The following SEPTIN11 variants were observed in gnomAD, a reference collection of about 807,000 sequenced individuals.
SEPTIN11 encodes septin 11.
In SEPTIN11, 25 loss-of-function variants were observed where a neutral mutation model predicts 51.4. That is an observed-to-expected ratio of 0.49 (90% CI 0.35 to 0.68). The LOEUF is 0.68. Among genes scored for constraint, SEPTIN11 ranks in the 30% least tolerant of loss-of-function variants. The pLI is 0.00. For synonymous variants in SEPTIN11, 174 were observed against 184.1 expected (o/e 0.95, Z 0.44); for missense variants, 381 against 520.8 (o/e 0.73, Z 2.61).
chr4:76,954,666 G>C (rs1342090195), intron 1 of SEPTIN11, among the ~76,000 whole-genome samples: 2 of 152,234 alleles, frequency 1.3e-5, no homozygotes, highest in Non-Finnish European at 2.9e-5. Context: ...TTCCAGGCTT[G>C]ACCTGAGATA....
chr4:77,014,955 G>A lies in SEPTIN11; in HGVS notation c.625G>A (p.Val209Ile). 1 of 1,614,154 alleles carries A rather than the reference G, an allele frequency of 6.2e-7. No homozygotes were observed. Among genetic ancestry groups the A allele is most frequent in the South Asian group, 1.1e-5 (1 of 91,078 alleles). ...KIMSELVSNG[V>I]QIYQFPTDEE... ...CATGAGTGAACTGGTCAGCAATGGG[G>A]TCCAGATATATCAGTTTCCCACTGA... is the stretch of plus-strand genomic sequence containing the variant. Residue 209 changes from valine (V) to isoleucine (I), a missense_variant, in exon 5 of 10, where the codon GTC (valine) becomes ATC (isoleucine). By Grantham distance (29) the Val-to-Ile change is conservative (BLOSUM62 3). This residue lies in a region of SEPTIN11 where 197 missense variants were observed against 313.1 expected (regional missense o/e 0.63). Transcript: ENST00000264893.
intron 1 of SEPTIN11, among the ~76,000 whole-genome samples, chr4:76,961,267 A>G (rs1721815051): frequency 6.6e-6 from 1 of 152,056 alleles, no homozygotes; most frequent in Non-Finnish European, 1.5e-5. Context: ...TTTTCTTCCC[A>G]GGCTATCTTT....
At chr4:77,005,195 A>G (rs1277211819) in intron 2 of SEPTIN11, among the ~76,000 whole-genome samples, 1 of 152,236 alleles carries the variant, frequency 6.6e-6, no homozygotes, top group African/African-American at 2.4e-5. Context: ...TGTTTCAAGT[A>G]ACAGAAATTC....
In SEPTIN11 at chr4:77,035,197, T is replaced by C. The variant is rs1726947146; in HGVS notation, c.*685T>C. ...TTGGAGTAGACTGGTATGAGAAAACTATGATTAGTTCACATTTACTGGTGC... is the reference window on the plus strand; with the variant it reads ...TTGGAGTAGACTGGTATGAGAAAACCATGATTAGTTCACATTTACTGGTGC... On this transcript the variant is annotated 3_prime_UTR_variant, in exon 10 of 10. Coordinates refer to ENST00000264893, the MANE Select transcript of SEPTIN11 (RefSeq NM_018243.4). 1 of 985,338 alleles carries C rather than the reference T, an allele frequency of 1.0e-6. No individual in the cohort carries two copies. The highest frequency in any genetic ancestry group is 1.7e-5 in the African/African-American group (1 of 57,244). The allele number at this position is 985,338 out of a possible 1,614,324, so 61.0% of individuals were successfully genotyped here. A position where few individuals can be genotyped will look rare whatever the true frequency, so the allele number is the denominator to read the frequency against.
At chr4:76,991,264 T>C (rs1013587356) in intron 1 of SEPTIN11, among the ~76,000 whole-genome samples, 1 of 152,194 alleles carries the variant, frequency 6.6e-6, no homozygotes, top group East Asian at 1.9e-4. Flanking sequence ...CAAGGAGATA[T>C]GTATGAGAGA....
At chr4:77,033,712 G>C (rs1726840612) in intron 9 of SEPTIN11, among the ~76,000 whole-genome samples, 1 of 152,146 alleles carries the variant, frequency 6.6e-6, no homozygotes, top group South Asian at 2.1e-4. Flanking sequence ...TTGCCAGCAG[G>C]CATTTGCTGG....
At chr4:76,950,153 C>T (rs1199442285) in intron 1 of SEPTIN11, among the ~76,000 whole-genome samples, 4 of 152,192 alleles carry the variant, frequency 2.6e-5, no homozygotes, top group African/African-American at 9.7e-5. Context: ...TCGCGCCCCT[C>T]TTCTGGGAAT....
chr4:76,968,992 T>G (rs1722137454), intron 1 of SEPTIN11, among the ~76,000 whole-genome samples: 1 of 152,212 alleles, frequency 6.6e-6, no homozygotes, highest in Non-Finnish European at 1.5e-5. Context: ...AATATGGAGT[T>G]GGAAGTTAAA....
In SEPTIN11 at chr4:77,036,198, A is replaced by T; in HGVS notation, c.*1686A>T. ...GGAAGCCTAAACAAAGCTGGAATAG[A>T]AACTACACACTAGACACAGCAGTAG... On this transcript the variant is annotated 3_prime_UTR_variant, in exon 10 of 10. Coordinates refer to ENST00000264893, the MANE Select transcript of SEPTIN11 (RefSeq NM_018243.4). 1 of 988,374 alleles carries T rather than the reference A, an allele frequency of 1.0e-6. No individual in the cohort carries two copies. Among genetic ancestry groups the T allele is most frequent in the Non-Finnish European group, 1.2e-6 (1 of 831,836 alleles). 61.2% of individuals were successfully genotyped at this position (988,374 alleles called of 1,614,324 possible).
At chr4:76,978,340 G>A (rs2109911536) in intron 1 of SEPTIN11, among the ~76,000 whole-genome samples, 1 of 152,262 alleles carries the variant, frequency 6.6e-6, no homozygotes, top group East Asian at 1.9e-4. Context: ...TGTGCACCAT[G>A]ACAACCTACC....
At chr4:77,039,250 C>T, downstream of SEPTIN11, 14 of 1,193,506 alleles carry the variant, frequency 1.2e-5, no homozygotes, top group Non-Finnish European at 1.3e-5. Context: ...TTGTACTTGT[C>T]AATGTCTGCC....
intron 1 of SEPTIN11, chr4:76,958,968 A>G: frequency 1.0e-6 from 1 of 958,030 alleles, no homozygotes. Flanking sequence ...TTGACTTCAT[A>G]CTCTAAAGCA....
chr4:77,039,490 C>T, downstream of SEPTIN11: 1 of 985,310 alleles, frequency 1.0e-6, no homozygotes, highest in Non-Finnish European at 1.2e-6. Flanking sequence ...ACACCCAGGG[C>T]CCACAAACTT....
In SEPTIN11 at chr4:76,988,631, C is replaced by T. The variant is rs185181300; in HGVS notation, c.28-7794C>T. 1.6e-4 allele frequency among the ~76,000 whole-genome samples: 24 copies of T among 152,314 alleles called. No individual in the cohort carries two copies. In the East Asian group the frequency reaches 2.1e-3, roughly 13 times the overall value. On this transcript the variant is annotated intron_variant, in intron 1 of 9. Coordinates refer to ENST00000264893, the MANE Select transcript of SEPTIN11 (RefSeq NM_018243.4). ...TTAAGCAAGATCCTCCTGCGTCAGC[C>T]TCCCAAGTAGCTGGGATTATAGGCA... is the stretch of plus-strand genomic sequence containing the variant.
At chr4:76,974,310 A>C (rs1722385164) in intron 1 of SEPTIN11, among the ~76,000 whole-genome samples, 1 of 152,094 alleles carries the variant, frequency 6.6e-6, no homozygotes, top group Non-Finnish European at 1.5e-5. Flanking sequence ...CCACTATTTA[A>C]AGGTCAGTGA....
At chr4:76,968,870 G>A (rs528279827) in intron 1 of SEPTIN11, among the ~76,000 whole-genome samples, 5 of 152,326 alleles carry the variant, frequency 3.3e-5, no homozygotes, top group African/African-American at 4.8e-5. Flanking sequence ...GAGTATTGAT[G>A]TATCTTCCTA....
rs371890849 is a variant in SEPTIN11 at position 77,017,662 on chromosome 4, G to C, written c.688-1503G>C. ...CAATGATTATGCCAAGTTCTTTGTA[G>C]GAGAGGAATTGGCTTGAAAACTTTA... On this transcript the variant is annotated intron_variant, in intron 5 of 9. Coordinates refer to ENST00000264893, the MANE Select transcript of SEPTIN11 (RefSeq NM_018243.4). Among the ~76,000 whole-genome samples the C allele has an allele frequency of 1.3e-4, 20 of 152,356 alleles. No individual in the cohort carries two copies. In the East Asian group the frequency reaches 3.5e-3, roughly 26 times the overall value.
chr4:76,976,744 G>A (rs1000645978), intron 1 of SEPTIN11, among the ~76,000 whole-genome samples: 1 of 152,132 alleles, frequency 6.6e-6, no homozygotes, highest in Non-Finnish European at 1.5e-5. Context: ...TCTGACATAG[G>A]CTCTGGCAGC....
chr4:77,016,954 G>C (rs1164323820), intron 5 of SEPTIN11, among the ~76,000 whole-genome samples: 5 of 151,830 alleles, frequency 3.3e-5, no homozygotes, highest in African/African-American at 1.2e-4. Flanking sequence ...TCAGAGATTT[G>C]AGCACCTGCA....
Sources: gnomAD v4.1 joint callset for allele counts (sites outside exome capture counted in the v4.1 genomes callset) on GRCh38, gnomAD v4.1.1 for gene constraint, gnomAD v4.1.1 regional missense constraint, MANE v1.5 for transcripts, NCBI Gene and HGNC (gene_info 2026-07-23, HGNC 2026-07-21) for gene names.